The following AKAP13 variants were observed in gnomAD, a reference collection of about 807,000 sequenced individuals.
AKAP13 encodes A-kinase anchoring protein 13, also known as A-kinase anchor protein 13.
A neutral mutation model predicts 264.5 loss-of-function variants in AKAP13; 80 were observed. The ratio of observed to expected loss-of-function variants is 0.30; its 90% CI spans 0.25 to 0.36. The LOEUF is 0.36. AKAP13 is among the 10% of genes least tolerant of loss of function. AKAP13 has a pLI of 1.00. For synonymous variants in AKAP13, 1,380 were observed against 1,250.2 expected, an observed-to-expected ratio of 1.10 and a Z score of -2.19; for missense variants, 3,712 against 3,435.2, an observed-to-expected ratio of 1.08 and a Z score of -2.01.
chr15:85,448,045 C>T lies in AKAP13; in HGVS notation c.-11-37665C>T, dbSNP rs9972489. Among the ~76,000 whole-genome samples the T allele has an allele frequency of 7.7e-3, 1,176 of 152,204 alleles. 14 individuals carry two copies. Among genetic ancestry groups the T allele is most frequent in the African/African-American group, 0.027 (1,125 of 41,516 alleles). On this transcript the variant is annotated intron_variant, in intron 1 of 36. Coordinates refer to ENST00000394518, the MANE Select transcript of AKAP13 (RefSeq NM_007200.5). Reference sequence around the variant, plus strand: ...TTGCCAGCATCTGCTGTTTTTTTGACTTTTTAATAATAGCCATTCTGAGTT... The same window carrying T: ...TTGCCAGCATCTGCTGTTTTTTTGATTTTTTAATAATAGCCATTCTGAGTT...
intron 29 of AKAP13, 110 bp from the exon 30 acceptor site, chr15:85,730,403 T>C: frequency 9.1e-7 from 1 of 1,102,478 alleles, no homozygotes; most frequent in East Asian, 2.4e-5. Context: ...GGGGAGGGTG[T>C]CCTGTCTTGT....
intron 11 of AKAP13, 49 bp from the exon 12 acceptor site, chr15:85,658,488 C>T (rs1567179297): frequency 1.3e-6 from 2 of 1,554,934 alleles, no homozygotes; most frequent in South Asian, 1.1e-5. Context: ...GCATTTGTAT[C>T]CCATTTTGTT....
intron 1 of AKAP13, among the ~76,000 whole-genome samples, chr15:85,461,308 G>C (rs574696703): frequency 3.9e-5 from 6 of 152,146 alleles, no homozygotes; most frequent in African/African-American, 1.4e-4. Context: ...TAGAGACGGG[G>C]TTTTGCCATG....
In AKAP13 at chr15:85,711,536, A is replaced by G. The variant is rs2086634065; in HGVS notation, c.5599+891A>G. Among the ~76,000 whole-genome samples, 3 of 152,034 alleles carry G rather than the reference A, an allele frequency of 2.0e-5. No individual in the cohort carries two copies. In the South Asian group the frequency reaches 6.2e-4, roughly 32 times the overall value. ...TTTTTTCACTCAATATTGTTTTGAG[A>G]TATGCATGTTATTGTACGCTATTGT... On this transcript the variant is annotated intron_variant, in intron 19 of 36. Transcript: ENST00000394518.
chr15:85,584,313 C>A (rs536781915), intron 7 of AKAP13, among the ~76,000 whole-genome samples: 3 of 152,146 alleles, frequency 2.0e-5, no homozygotes, highest in Non-Finnish European at 4.4e-5. Flanking sequence ...CAGAGGCTGC[C>A]GACACCCGTC....
intron 1 of AKAP13, among the ~76,000 whole-genome samples, chr15:85,432,256 T>C (rs1049935425): frequency 1.3e-5 from 2 of 152,160 alleles, no homozygotes; most frequent in Non-Finnish European, 2.9e-5. Context: ...TCTATAAAAA[T>C]GTATTTTTCC....
chr15:85,482,395 G>T (rs1178702846), intron 1 of AKAP13, among the ~76,000 whole-genome samples: 1 of 152,134 alleles, frequency 6.6e-6, no homozygotes, highest in Non-Finnish European at 1.5e-5. Context: ...GTTACCCCTA[G>T]AATAATATCT....
At chr15:85,692,691 A>G (rs1380396481) in intron 16 of AKAP13, among the ~76,000 whole-genome samples, 1 of 152,246 alleles carries the variant, frequency 6.6e-6, no homozygotes, top group East Asian at 1.9e-4. Flanking sequence ...TCTAATTAGC[A>G]GAAACTGAAA....
intron 5 of AKAP13, among the ~76,000 whole-genome samples, chr15:85,553,084 C>CTTTTTT (rs10693195): frequency 1.0e-4 from 12 of 120,386 alleles, no homozygotes; most frequent in South Asian, 2.7e-4. Flanking sequence ...ATCTGTAATT[C>CTTTTTT]TTTTTTTTTT....
intron 1 of AKAP13, among the ~76,000 whole-genome samples, chr15:85,406,354 G>C (rs768681523): frequency 2.5e-4 from 38 of 151,258 alleles, no homozygotes; most frequent in Non-Finnish European, 4.3e-4. Flanking sequence ...TTCAAGTCTT[G>C]CTCTCTCTCA....
At chr15:85,464,334 A>G (rs1222272967) in intron 1 of AKAP13, among the ~76,000 whole-genome samples, 1 of 152,160 alleles carries the variant, frequency 6.6e-6, no homozygotes, top group Non-Finnish European at 1.5e-5. Context: ...TGAGCTTTGG[A>G]TTTAGGTTGA....
rs2088403284 is a variant in AKAP13 at position 85,735,540 on chromosome 15, CAA to C, written c.7442-19_7442-18del. 8.3e-7 allele frequency: 1 copy of C among 1,204,964 alleles called. No homozygotes were observed. The highest frequency in any genetic ancestry group is 1.1e-6 in the Non-Finnish European group (1 of 925,330). The allele number at this position is 1,204,964 out of a possible 1,614,324, so 74.6% of individuals were successfully genotyped here. On this transcript the variant is annotated intron_variant, in intron 31 of 36. Transcript: ENST00000394518. ...TGTTTCACAACTTTAAAAAAAAAAA[CAA>C]CCCTATTTTTTGTTTAGGAGGCGAG... is the stretch of plus-strand genomic sequence containing the variant.
At chr15:85,608,281 G>A (rs1210264627) in intron 8 of AKAP13, among the ~76,000 whole-genome samples, 1 of 152,208 alleles carries the variant, frequency 6.6e-6, no homozygotes, top group African/African-American at 2.4e-5. Context: ...TTCTAATACA[G>A]AAACTACTTC....
intron 33 of AKAP13, among the ~76,000 whole-genome samples, chr15:85,739,252 A>G (rs2088782471): frequency 6.6e-6 from 1 of 152,274 alleles, no homozygotes; most frequent in African/African-American, 2.4e-5. Flanking sequence ...CCCATTAGAC[A>G]TACAAATGCT....
intron 10 of AKAP13, among the ~76,000 whole-genome samples, chr15:85,652,033 G>C (rs1010934722): frequency 6.6e-6 from 1 of 152,182 alleles, no homozygotes; most frequent in Admixed American, 6.5e-5. Flanking sequence ...TAAAAATAAT[G>C]AGTATAAGAA....
At chr15:85,393,541 A>G (rs1413997525) in intron 1 of AKAP13, among the ~76,000 whole-genome samples, 1 of 152,190 alleles carries the variant, frequency 6.6e-6, no homozygotes, top group Non-Finnish European at 1.5e-5. Context: ...TTTTGAGGTC[A>G]TTTTCTATAA....
At chr15:85,661,076 A>G (rs188315976) in intron 12 of AKAP13, among the ~76,000 whole-genome samples, 95 of 152,292 alleles carry the variant, frequency 6.2e-4, no homozygotes, top group Admixed American at 5.3e-3. Context: ...CTCTGCTTTT[A>G]TCTCTTCTCA....
chr15:85,700,175 A>G (rs1321838102), intron 17 of AKAP13, among the ~76,000 whole-genome samples: 10 of 152,334 alleles, frequency 6.6e-5, no homozygotes, highest in Admixed American at 5.9e-4. Context: ...CTTTGTCTAC[A>G]TTAGACTATC....
intron 1 of AKAP13, among the ~76,000 whole-genome samples, chr15:85,413,349 C>G (rs558554491): frequency 1.4e-4 from 22 of 152,312 alleles, no homozygotes; most frequent in Non-Finnish European, 2.9e-4. Context: ...GTATGTGAAT[C>G]TAGCTCAAGG....
Sources: allele counts gnomAD v4.1 joint callset (sites outside exome capture counted in the v4.1 genomes callset), GRCh38; gene constraint gnomAD v4.1.1; transcripts MANE v1.5; gene names NCBI Gene and HGNC (gene_info 2026-07-23, HGNC 2026-07-21).